ASIC2: variants seen among roughly 807,000 people sequenced by gnomAD.
ASIC2 encodes the protein acid-sensing ion channel 2.
In ASIC2, 25 loss-of-function variants were observed where a neutral mutation model predicts 57.3. The ratio of observed to expected loss-of-function variants is 0.44; its 90% CI spans 0.32 to 0.61. The LOEUF (loss-of-function observed/expected upper bound fraction) is 0.61, where lower values mean the gene tolerates loss of function less well. Among genes scored for constraint, ASIC2 ranks in the 20% least tolerant of loss-of-function variants. The probability of loss-of-function intolerance (pLI) is 0.06; values close to 1 mark genes in which losing one functional copy is unlikely to be tolerated. For missense variants in ASIC2, 641 were observed against 738.1 expected, an observed-to-expected ratio of 0.87 and a Z score of 1.52; for synonymous variants, 319 against 307.5, an observed-to-expected ratio of 1.04 and a Z score of -0.39.
At chr17:33,222,001 G>A (rs1280201532) in intron 1 of ASIC2, among the ~76,000 whole-genome samples, 2 of 152,148 alleles carry the variant, frequency 1.3e-5, no homozygotes, top group African/African-American at 4.8e-5. Context: ...GTTTGGGAAG[G>A]CTATCCTGGA....
At chr17:33,480,455 C>A (rs1434098199) in intron 1 of ASIC2, among the ~76,000 whole-genome samples, 1 of 152,064 alleles carries the variant, frequency 6.6e-6, no homozygotes, top group Admixed American at 6.5e-5. Context: ...AACTGCATGG[C>A]AGTCTGGAGA....
At chr17:33,667,146 C>T (rs1907502240) in intron 1 of ASIC2, among the ~76,000 whole-genome samples, 1 of 152,084 alleles carries the variant, frequency 6.6e-6, no homozygotes. Context: ...TAAATCTCAG[C>T]CGGAAACCAC....
chr17:33,600,756 GAA>G (rs1026785236), intron 1 of ASIC2, among the ~76,000 whole-genome samples: 58 of 152,190 alleles, frequency 3.8e-4, no homozygotes, highest in African/African-American at 1.3e-3. Context: ...CTCATAAGAA[GAA>G]AAAAGTCATA....
At chr17:33,412,950 C>A (rs967874411) in intron 1 of ASIC2, among the ~76,000 whole-genome samples, 3 of 152,134 alleles carry the variant, frequency 2.0e-5, no homozygotes, top group Admixed American at 6.5e-5. Flanking sequence ...CACCTGCTGC[C>A]CACAGCAAAG....
At chr17:33,969,406 G>C (rs917872475) in intron 1 of ASIC2, among the ~76,000 whole-genome samples, 9 of 152,302 alleles carry the variant, frequency 5.9e-5, no homozygotes, top group African/African-American at 1.9e-4. Flanking sequence ...GGTTCCTGCA[G>C]GCACAAGGAT....
intron 1 of ASIC2, among the ~76,000 whole-genome samples, chr17:34,132,387 C>T (rs895346355): frequency 1.3e-5 from 2 of 152,290 alleles, no homozygotes; most frequent in Admixed American, 1.3e-4. Context: ...CGGGTTGCGG[C>T]TGCTGGCTGG....
At chr17:33,450,535 G>A (rs1182841238) in intron 1 of ASIC2, among the ~76,000 whole-genome samples, 1 of 152,184 alleles carries the variant, frequency 6.6e-6, no homozygotes, top group African/African-American at 2.4e-5. Flanking sequence ...TGAAAGAGGT[G>A]CACAGAAAGA....
At chr17:33,463,314 C>A (rs1020999050) in intron 1 of ASIC2, among the ~76,000 whole-genome samples, 11 of 152,218 alleles carry the variant, frequency 7.2e-5, no homozygotes, top group Admixed American at 6.5e-5. Flanking sequence ...GAGGAAGTTT[C>A]TGGCGTGCTT....
intron 3 of ASIC2, among the ~76,000 whole-genome samples, chr17:33,080,616 A>G (rs1335521933): frequency 6.6e-6 from 1 of 152,220 alleles, no homozygotes; most frequent in Non-Finnish European, 1.5e-5. Context: ...TAAGAGATAA[A>G]CAAAAATAAC....
intron 1 of ASIC2, among the ~76,000 whole-genome samples, chr17:33,379,977 G>A (rs1264870341): frequency 1.3e-5 from 2 of 152,152 alleles, no homozygotes. Flanking sequence ...TGGGCACGGA[G>A]GCTCATGCCT....
chr17:33,099,292 T>C (rs1030573861), intron 2 of ASIC2, among the ~76,000 whole-genome samples: 2 of 152,052 alleles, frequency 1.3e-5, no homozygotes, highest in Non-Finnish European at 2.9e-5. Flanking sequence ...GCTGGGATTA[T>C]AGTCATGAGC....
At chr17:33,705,010 G>A (rs996721794) in intron 1 of ASIC2, among the ~76,000 whole-genome samples, 1 of 152,162 alleles carries the variant, frequency 6.6e-6, no homozygotes, top group Non-Finnish European at 1.5e-5. Flanking sequence ...ACACACATAT[G>A]TCTTCCAGGG....
At chr17:33,857,378 T>A (rs1913987632) in intron 1 of ASIC2, among the ~76,000 whole-genome samples, 1 of 152,178 alleles carries the variant, frequency 6.6e-6, no homozygotes, top group Admixed American at 6.5e-5. Context: ...AGGTGAGAGA[T>A]GATGGGACTC....
chr17:33,398,532 A>G (rs1477328567), intron 1 of ASIC2, among the ~76,000 whole-genome samples: 1 of 152,012 alleles, frequency 6.6e-6, no homozygotes, highest in Non-Finnish European at 1.5e-5. Context: ...AGTGATGGTG[A>G]TGGTTATAAT....
rs749926179 is a variant in ASIC2, at chr17:33,799,419, CT to C, written c.555+356558del. Among the ~76,000 whole-genome samples, 409 of 68,600 alleles carry C rather than the reference CT, an allele frequency of 6.0e-3. 6 individuals are homozygous for C. Among genetic ancestry groups the C allele is most frequent in the Middle Eastern group, 0.021 (4 of 190 alleles). The allele number at this position is 68,600 out of a possible 152,430, so 45.0% of individuals were successfully genotyped here. A position where few individuals can be genotyped will look rare whatever the true frequency, so the allele number is the denominator to read the frequency against. On this transcript the variant is annotated intron_variant, in intron 1 of 9. Coordinates refer to the ASIC2 transcript ENST00000359872. ...CTTTCTTTCTTTTCTTTCTTTCTTT[CT>C]TTCTTTCTTCTTTCTTTCTTTCTTT... is the stretch of plus-strand genomic sequence containing the variant.
intron 1 of ASIC2, among the ~76,000 whole-genome samples, chr17:33,861,271 T>C (rs1914093466): frequency 6.6e-6 from 1 of 152,132 alleles, no homozygotes; most frequent in Non-Finnish European, 1.5e-5. Flanking sequence ...ACGTAGAAAA[T>C]ATTTAAGGTA....
At chr17:33,484,347 A>C (rs1173682663) in intron 1 of ASIC2, among the ~76,000 whole-genome samples, 2 of 152,202 alleles carry the variant, frequency 1.3e-5, no homozygotes, top group Non-Finnish European at 2.9e-5. Flanking sequence ...GCCCCCATTT[A>C]AGACATTTCT....
chr17:34,088,381 T>C (rs1295464347), intron 1 of ASIC2, among the ~76,000 whole-genome samples: 1 of 152,198 alleles, frequency 6.6e-6, no homozygotes, highest in Non-Finnish European at 1.5e-5. Flanking sequence ...CGAATGCTGC[T>C]GTCTGATTGT....
At chr17:33,199,635 C>T (rs756613332) in intron 1 of ASIC2, among the ~76,000 whole-genome samples, 10 of 152,206 alleles carry the variant, frequency 6.6e-5, no homozygotes, top group Non-Finnish European at 1.3e-4. Context: ...TTCCCTTAAG[C>T]TTGAACATGG....
Sources: allele counts gnomAD v4.1 joint callset (sites outside exome capture counted in the v4.1 genomes callset), GRCh38; gene constraint gnomAD v4.1.1; transcripts MANE v1.5; gene names NCBI Gene and HGNC (gene_info 2026-07-23, HGNC 2026-07-21).